The following SAMD3 variants were observed in gnomAD, a reference collection of about 807,000 sequenced individuals.
SAMD3 encodes the protein sterile alpha motif domain containing 3, also known as sterile alpha motif domain-containing protein 3.
A neutral mutation model predicts 58.5 loss-of-function variants in SAMD3; 63 were observed. The ratio of observed to expected loss-of-function variants is 1.08; its 90% CI spans 0.88 to 1.33. SAMD3 has a LOEUF of 1.33. Among genes scored for constraint, SAMD3 ranks in the 40% most tolerant of loss-of-function variants. The pLI is 0.00. For synonymous variants in SAMD3, 220 were observed against 210.3 expected (o/e 1.05, Z -0.40); for missense variants, 604 against 608.4 (o/e 0.99, Z 0.08).
intron 8 of SAMD3, among the ~76,000 whole-genome samples, chr6:130,164,085 G>A (rs371001242): frequency 1.5e-4 from 20 of 137,436 alleles, no homozygotes; most frequent in Non-Finnish European, 2.2e-4. Context: ...AAAGTAGGTT[G>A]AAAAAAAAAA....
intron 2 of SAMD3, among the ~76,000 whole-genome samples, chr6:130,264,420 G>C (rs1233128790): frequency 6.6e-6 from 1 of 152,210 alleles, no homozygotes; most frequent in East Asian, 1.9e-4. Flanking sequence ...GTCAGCCCTT[G>C]TTCATCCCCG....
intron 1 of SAMD3, among the ~76,000 whole-genome samples, chr6:130,345,874 T>C (rs907908552): frequency 3.9e-5 from 6 of 152,198 alleles, no homozygotes; most frequent in African/African-American, 1.2e-4. Flanking sequence ...TCATGGGTCA[T>C]GTGTCATTGT....
At chr6:130,241,305 T>G (rs1010420105) in intron 2 of SAMD3, among the ~76,000 whole-genome samples, 14 of 144,526 alleles carry the variant, frequency 9.7e-5, no homozygotes, top group Non-Finnish European at 1.8e-4. Context: ...AACCTCTGCC[T>G]CCCGGGTTCA....
intron 5 of SAMD3, among the ~76,000 whole-genome samples, chr6:130,195,710 A>G (rs1227458536): frequency 6.6e-6 from 1 of 152,098 alleles, no homozygotes; most frequent in Non-Finnish European, 1.5e-5. Context: ...GCAAGGCTTC[A>G]CAGACATCCC....
chr6:130,285,275 A>G (rs1487329269), intron 2 of SAMD3, among the ~76,000 whole-genome samples: 1 of 152,252 alleles, frequency 6.6e-6, no homozygotes, highest in Non-Finnish European at 1.5e-5. Flanking sequence ...TTTTGAAAGC[A>G]TGAGTATTCA....
intron 1 of SAMD3, among the ~76,000 whole-genome samples, chr6:130,323,318 G>T (rs184001738): frequency 7.2e-5 from 11 of 152,240 alleles, no homozygotes; most frequent in African/African-American, 2.4e-4. Flanking sequence ...GCTTCCCTGT[G>T]AGATGCTCTT....
rs1583080136 is a variant in SAMD3, at chr6:130,308,408, CTATT to C, written c.-188+4566_-188+4569del. ...CTATTCTATTCTATTCTATTCTATT[CTATT>C]CTATTCTATTCTATTCTATTCTATT... On this transcript the variant is annotated intron_variant, in intron 2 of 13. Coordinates refer to the SAMD3 transcript ENST00000368134. Among the ~76,000 whole-genome samples, 8 of 144,048 alleles carry C rather than the reference CTATT, an allele frequency of 5.6e-5. 1 individual carries two copies. The South Asian group carries it at 1.3e-3, about 24-fold the overall frequency. 94.5% of individuals were successfully genotyped at this position (144,048 alleles called of 152,430 possible).
intron 2 of SAMD3, among the ~76,000 whole-genome samples, chr6:130,248,872 G>A (rs761194889): frequency 1.1e-4 from 17 of 152,270 alleles, no homozygotes; most frequent in Admixed American, 2.0e-4. Flanking sequence ...GGAGCTCTAG[G>A]AAATGTTAAA....
intron 2 of SAMD3, among the ~76,000 whole-genome samples, chr6:130,237,707 A>G (rs1003764981): frequency 3.9e-5 from 6 of 152,186 alleles, no homozygotes; most frequent in African/African-American, 1.4e-4. Flanking sequence ...AGGTGAATAC[A>G]TTACCAACTC....
chr6:130,215,215 T>G lies in SAMD3; in HGVS notation c.59A>C (p.Glu20Ala). The change falls in exon 3 of 12, where the codon GAG (glutamate) becomes GCG (alanine). Residue 20 changes from glutamate (E) to alanine (A), a missense_variant. Physicochemically the swap from Glu to Ala is moderately radical, Grantham distance 107 (BLOSUM62 -1). Coordinates refer to ENST00000439090, the MANE Select transcript of SAMD3 (RefSeq NM_001017373.4). ...CSWLVEKNLG[E>A]LVHRFQEEEV... ...CTCACCTTGAAATCTATGAACTAGCTCTCCTAAATTTTTCTCCACCAACCA... is the reference window on the plus strand; with the variant it reads ...CTCACCTTGAAATCTATGAACTAGCGCTCCTAAATTTTTCTCCACCAACCA... 2.5e-6 allele frequency: 4 copies of G among 1,603,030 alleles called. No individual in the cohort carries two copies. The highest frequency in any genetic ancestry group is 3.4e-6 in the Non-Finnish European group (4 of 1,170,706).
intron 1 of SAMD3, among the ~76,000 whole-genome samples, chr6:130,348,382 G>A (rs1046580012): frequency 1.3e-5 from 2 of 152,084 alleles, no homozygotes; most frequent in Admixed American, 1.3e-4. Flanking sequence ...GATGGAGGAA[G>A]ATCTACCAAG....
intron 4 of SAMD3, among the ~76,000 whole-genome samples, chr6:130,213,420 A>G (rs896282356): frequency 1.3e-5 from 2 of 152,128 alleles, no homozygotes; most frequent in Non-Finnish European, 2.9e-5. Context: ...CAAATATTCT[A>G]GGAATAAACT....
intron 1 of SAMD3, among the ~76,000 whole-genome samples, chr6:130,355,660 A>C (rs1777806684): frequency 6.6e-6 from 1 of 152,220 alleles, no homozygotes; most frequent in African/African-American, 2.4e-5. Flanking sequence ...CCCACCAGGC[A>C]ATAAAAGAAA....
chr6:130,166,413 C>T (rs1034261), intron 8 of SAMD3, among the ~76,000 whole-genome samples: 133,123 of 152,204 alleles, frequency 0.87, 58,537 homozygotes, highest in East Asian at 0.98. Context: ...GAGATCTCCA[C>T]GTAATGAACC....
At chr6:130,363,277 C>A (rs544079632) in intron 1 of SAMD3, among the ~76,000 whole-genome samples, 20 of 152,150 alleles carry the variant, frequency 1.3e-4, no homozygotes, top group South Asian at 8.3e-4. Context: ...TGAATATAAT[C>A]CCACACAAAT....
chr6:130,200,557 CAAAAAAAAA>C (rs11375395), intron 5 of SAMD3, among the ~76,000 whole-genome samples: 1 of 97,246 alleles, frequency 1.0e-5, no homozygotes, highest in Non-Finnish European at 1.9e-5. Flanking sequence ...CCCCGACCCA[CAAAAAAAAA>C]AAAAAAAAAA....
chr6:130,211,700 T>C (rs770118436), intron 4 of SAMD3, among the ~76,000 whole-genome samples: 3 of 152,014 alleles, frequency 2.0e-5, no homozygotes, highest in African/African-American at 7.3e-5. Context: ...TATGTCTCCG[T>C]AAAATGTATA....
intron 1 of SAMD3, among the ~76,000 whole-genome samples, chr6:130,323,802 CAAA>C (rs766078214): frequency 3.7e-5 from 2 of 53,546 alleles, no homozygotes; most frequent in Non-Finnish European, 3.3e-5. Flanking sequence ...GACTCTGTCT[CAAA>C]AAAAAAAAAA....
chr6:130,153,618 G>A (rs934026481), intron 9 of SAMD3, among the ~76,000 whole-genome samples: 1 of 126,502 alleles, frequency 7.9e-6, no homozygotes, highest in African/African-American at 2.8e-5. Context: ...TAAATGGAAG[G>A]GTATTTGATT....
Sources: gnomAD v4.1 joint callset for allele counts (sites outside exome capture counted in the v4.1 genomes callset) on GRCh38, gnomAD v4.1.1 for gene constraint, MANE v1.5 for transcripts, NCBI Gene and HGNC (gene_info 2026-07-23, HGNC 2026-07-21) for gene names.